The following DCAF7 variants were observed in gnomAD, a reference collection of about 807,000 sequenced individuals.
DCAF7 encodes DDB1 and CUL4 associated factor 7, also known as DDB1- and CUL4-associated factor 7.
DCAF7 carries 4 observed loss-of-function variants against 41.2 expected under a neutral mutation model. The observed-to-expected ratio is 0.10, with a 90% CI of 0.05 to 0.22. The LOEUF (loss-of-function observed/expected upper bound fraction) is 0.22, where lower values mean the gene tolerates loss of function less well. Ranked by LOEUF, DCAF7 falls within the 10% of genes least tolerant of loss-of-function variation. DCAF7 has a pLI of 1.00. For synonymous variants in DCAF7, 143 were observed against 164.2 expected (o/e 0.87, Z 0.99); for missense variants, 131 against 443.2 (o/e 0.30, Z 6.32).
At chr17:63,577,414 C>G (rs768115072) in intron 1 of DCAF7, among the ~76,000 whole-genome samples, 17 of 152,182 alleles carry the variant, frequency 1.1e-4, no homozygotes, top group Non-Finnish European at 2.2e-4. Context: ...AATATCCCCA[C>G]TATTCCATCT....
chr17:63,580,086 A>G (rs1226155813), intron 4 of DCAF7, 143 bp downstream of exon 4: 7 of 687,094 alleles, frequency 1.0e-5, no homozygotes, highest in African/African-American at 1.8e-5. Flanking sequence ...GACAATAGTA[A>G]TGTATCAAAA....
chr17:63,556,738 G>A (rs866808049), intron 1 of DCAF7, among the ~76,000 whole-genome samples: 2 of 148,378 alleles, frequency 1.3e-5, no homozygotes, highest in South Asian at 2.2e-4. Context: ...GTGGTGGTGC[G>A]TGCCTGTAAT....
chr17:63,562,851 T>C (rs1226168310), intron 1 of DCAF7, among the ~76,000 whole-genome samples: 2 of 151,316 alleles, frequency 1.3e-5, no homozygotes, highest in Admixed American at 6.6e-5. Flanking sequence ...TGAGACACTG[T>C]CTTGCTCTAT....
At chr17:63,583,368 C>A in intron 4 of DCAF7, 134 bp from the exon 5 acceptor site, 1 of 781,018 alleles carries the variant, frequency 1.3e-6, no homozygotes, top group Non-Finnish European at 2.2e-6. Flanking sequence ...TACTCACAGA[C>A]ACTGTTTGGG....
rs1426003944 is a variant in DCAF7, at chr17:63,550,630, G to T, written c.-48G>T. ...AGATCTCAGGCTCGGCTCCCCGCCC[G>T]CCGCAGCCCACTGTTGACCCGGCCC... On this transcript the variant is annotated 5_prime_UTR_variant, in exon 1 of 7. Transcript: ENST00000614556. The surrounding 1 kb of genome is among the most constrained non-coding windows in gnomAD (Gnocchi z 4.8). The T allele has an allele frequency of 1.9e-6, 3 of 1,595,004 alleles. No homozygotes were observed. Among genetic ancestry groups the T allele is most frequent in the East Asian group, 2.3e-5 (1 of 44,364 alleles).
intron 1 of DCAF7, among the ~76,000 whole-genome samples, chr17:63,558,502 G>A (rs2147759409): frequency 6.6e-6 from 1 of 152,326 alleles, no homozygotes; most frequent in South Asian, 2.1e-4. Flanking sequence ...AAAGATGTCA[G>A]TGTCCCTAAA....
intron 1 of DCAF7, among the ~76,000 whole-genome samples, chr17:63,552,818 C>G (rs1401670576): frequency 6.6e-6 from 1 of 152,192 alleles, no homozygotes; most frequent in Non-Finnish European, 1.5e-5. Flanking sequence ...TTTCATTTAG[C>G]AACTATCTGG....
At chr17:63,554,593 G>A (rs1462656877) in intron 1 of DCAF7, among the ~76,000 whole-genome samples, 1 of 152,218 alleles carries the variant, frequency 6.6e-6, no homozygotes, top group Non-Finnish European at 1.5e-5. Flanking sequence ...TCCCAGTTTT[G>A]TATTGCCTTG....
At chr17:63,579,195 C>T (rs1029174023) in intron 2 of DCAF7, 142 bp from the exon 3 acceptor site, 1 of 608,772 alleles carries the variant, frequency 1.6e-6, no homozygotes, top group Non-Finnish European at 2.9e-6. Context: ...TCAGGGAGTC[C>T]TGGGTTTATT....
At chr17:63,583,735 A>G (rs1185040762) in intron 5 of DCAF7, 24 bp downstream of exon 5, 25 of 1,610,158 alleles carry the variant, frequency 1.6e-5, no homozygotes, top group Non-Finnish European at 2.0e-5. Flanking sequence ...TCAGGCTACC[A>G]TGGGCCCTGC....
intron 6 of DCAF7, 124 bp from the exon 7 acceptor site, chr17:63,588,876 G>A: frequency 9.8e-7 from 1 of 1,022,938 alleles, no homozygotes; most frequent in Non-Finnish European, 1.4e-6. Flanking sequence ...GATAAAATGG[G>A]GGCTTAAAAT....
chr17:63,558,138 C>T (rs2033330506), intron 1 of DCAF7, among the ~76,000 whole-genome samples: 1 of 152,170 alleles, frequency 6.6e-6, no homozygotes, highest in African/African-American at 2.4e-5. Context: ...AAGTGATCCA[C>T]TAACCTCAGT....
chr17:63,586,273 T>C lies in DCAF7; in HGVS notation c.856+945T>C, dbSNP rs8067832. On this transcript the variant is annotated intron_variant, in intron 6 of 6. Coordinates refer to ENST00000614556, the MANE Select transcript of DCAF7 (RefSeq NM_005828.5). ...TTCAAGACCAGCCTGGGCAGTATAG[T>C]GAGACCTCATCTCTACAGAAAGTTA... Among the ~76,000 whole-genome samples, 173 of 151,526 alleles carry C rather than the reference T, an allele frequency of 1.1e-3. 1 individual carries two copies. Among genetic ancestry groups the C allele is most frequent in the African/African-American group, 3.9e-3 (162 of 41,272 alleles).
intron 1 of DCAF7, among the ~76,000 whole-genome samples, chr17:63,568,970 C>T (rs1456442888): frequency 6.6e-6 from 1 of 152,186 alleles, no homozygotes; most frequent in Non-Finnish European, 1.5e-5. Context: ...AGGAGTGAAT[C>T]GGTTAGCTCA....
Position 63,593,845 on chromosome 17 carries a change from G to A in DCAF7, c.*4673G>A, listed in dbSNP as rs2033758636. 6.6e-6 allele frequency: 1 copy of A among 152,614 alleles called. No homozygotes were observed. The highest frequency in any genetic ancestry group is 2.4e-5 in the African/African-American group (1 of 41,436). The allele number at this position is 152,614 out of a possible 1,614,324, so 9.5% of individuals were successfully genotyped here. On this transcript the variant is annotated 3_prime_UTR_variant, in exon 7 of 7. Transcript: ENST00000614556. The stretch of plus-strand genomic sequence containing the variant: ...GAGATTTCTTGCTCTGAAATGTTAA[G>A]CTCTAACTGATCCATTTCTGTGTCC...
intron 1 of DCAF7, among the ~76,000 whole-genome samples, chr17:63,559,429 A>ATGTG (rs1469124112): frequency 9.3e-6 from 1 of 107,220 alleles, no homozygotes; most frequent in African/African-American, 5.6e-5. Context: ...ACGTATATAT[A>ATGTG]TATGTGTGTG....
Position 63,592,411 on chromosome 17 carries a change from TAAAAAAA to T in DCAF7, c.*3249_*3255del, listed in dbSNP as rs1284035990. ...CAGAGCAAGACTCCGTCTCAAAAAATAAAAAAAAAAAAAAAATAGGTGAAAATTCCTT... is the reference window on the plus strand; with the variant it reads ...CAGAGCAAGACTCCGTCTCAAAAAATAAAAAAAAATAGGTGAAAATTCCTT... On this transcript the variant is annotated 3_prime_UTR_variant, in exon 7 of 7. Transcript: ENST00000614556. The T allele has an allele frequency of 9.6e-6, 1 of 103,654 alleles. No homozygotes were observed. The highest frequency in any genetic ancestry group is 3.3e-5 in the African/African-American group (1 of 30,354). 6.4% of individuals were successfully genotyped at this position (103,654 alleles called of 1,614,324 possible).
chr17:63,560,240 A>G (rs899865785), intron 1 of DCAF7, among the ~76,000 whole-genome samples: 5 of 152,162 alleles, frequency 3.3e-5, no homozygotes, highest in African/African-American at 1.2e-4. Context: ...TAGCTTTCCC[A>G]TGCAGTTGCT....
Position 63,584,104 on chromosome 17 carries a change from T to C in DCAF7, c.738+393T>C, listed in dbSNP as rs886858300. Among the ~76,000 whole-genome samples the C allele has an allele frequency of 1.7e-4, 26 of 152,354 alleles. 1 individual carries two copies. Among genetic ancestry groups the C allele is most frequent in the African/African-American group, 6.3e-4 (26 of 41,590 alleles). ...ACCAAATCGTATGTGCCTATGGTGC[T>C]GAGTGAAAAAGCAGATTTTCCCTTC... On this transcript the variant is annotated intron_variant, in intron 5 of 6. Coordinates refer to ENST00000614556, the MANE Select transcript of DCAF7 (RefSeq NM_005828.5).
Sources: allele counts gnomAD v4.1 joint callset (sites outside exome capture counted in the v4.1 genomes callset), GRCh38; gene constraint gnomAD v4.1.1; non-coding constraint Gnocchi (gnomAD v3.1); transcripts MANE v1.5; gene names NCBI Gene and HGNC (gene_info 2026-07-23, HGNC 2026-07-21).